ABCG2: variants seen among roughly 807,000 people sequenced by gnomAD.
ABCG2 encodes the protein broad substrate specificity ATP-binding cassette transporter ABCG2.
A neutral mutation model predicts 73.5 loss-of-function variants in ABCG2; 80 were observed. The ratio of observed to expected loss-of-function variants is 1.09; its 90% CI spans 0.91 to 1.31. ABCG2 has a LOEUF of 1.31. ABCG2 is among the 50% of genes most tolerant of loss of function. The probability of loss-of-function intolerance (pLI) is 0.00; values close to 1 mark genes in which losing one functional copy is unlikely to be tolerated. For synonymous variants in ABCG2, 269 were observed against 282.4 expected (o/e 0.95, Z 0.48); for missense variants, 796 against 786.2 (o/e 1.01, Z -0.15).
chr4:88,172,196 G>A (rs1482888059), intron 1 of ABCG2, among the ~76,000 whole-genome samples: 3 of 151,164 alleles, frequency 2.0e-5, no homozygotes, highest in African/African-American at 4.9e-5. Context: ...TCGGGAGGCT[G>A]AGGCAGGAGA....
intron 2 of ABCG2, among the ~76,000 whole-genome samples, chr4:88,138,964 A>G (rs1469285706): frequency 6.6e-6 from 1 of 152,060 alleles, no homozygotes; most frequent in Non-Finnish European, 1.5e-5. Context: ...AACATGGTGA[A>G]ACCCCATCTT....
chr4:88,185,122 G>T (rs561380568), intron 1 of ABCG2, among the ~76,000 whole-genome samples: 1 of 152,260 alleles, frequency 6.6e-6, no homozygotes, highest in Admixed American at 6.5e-5. Context: ...CTACACTTTG[G>T]GAGGTCAAGG....
intron 1 of ABCG2, among the ~76,000 whole-genome samples, chr4:88,178,568 A>G (rs1193258965): frequency 6.6e-6 from 1 of 152,190 alleles, no homozygotes; most frequent in Non-Finnish European, 1.5e-5. Context: ...TTTGTCTTGC[A>G]GCGTAGGTAC....
intron 5 of ABCG2, among the ~76,000 whole-genome samples, chr4:88,129,519 A>G (rs1326961056): frequency 1.3e-5 from 2 of 152,204 alleles, no homozygotes; most frequent in African/African-American, 4.8e-5. Flanking sequence ...GAGTGGAACA[A>G]AACACCTTAC....
At chr4:88,164,486 T>C (rs1226456946) in intron 1 of ABCG2, among the ~76,000 whole-genome samples, 1 of 152,192 alleles carries the variant, frequency 6.6e-6, no homozygotes, top group Middle Eastern at 3.2e-3. Context: ...TCACGCGCTC[T>C]GATGGTTTCA....
rs897789743 is a variant in ABCG2, at chr4:88,125,223, C to T, written c.532-3431G>A. On this transcript the variant is annotated intron_variant, in intron 5 of 15. Coordinates refer to ENST00000237612, the MANE Select transcript of ABCG2 (RefSeq NM_004827.3). Reference sequence around the variant, plus strand: ...AGGAGAATGGTGTGAACCTGGGAGGCTGAACTTGCAGTGAGCCAAGATCGC... The same window carrying T: ...AGGAGAATGGTGTGAACCTGGGAGGTTGAACTTGCAGTGAGCCAAGATCGC... Among the ~76,000 whole-genome samples the T allele has an allele frequency of 7.3e-5, 11 of 151,710 alleles. No homozygotes were observed. The South Asian group carries it at 2.3e-3, about 32-fold the overall frequency.
At chr4:88,144,341 A>G (rs897671360) in intron 1 of ABCG2, among the ~76,000 whole-genome samples, 1 of 152,050 alleles carries the variant, frequency 6.6e-6, no homozygotes, top group South Asian at 2.1e-4. Flanking sequence ...AGGGATTTGC[A>G]TATGGAGATT....
chr4:88,202,061 G>A (rs1362388095), intron 1 of ABCG2, among the ~76,000 whole-genome samples: 1 of 151,832 alleles, frequency 6.6e-6, no homozygotes, highest in Non-Finnish European at 1.5e-5. Context: ...CTAAAGAGAG[G>A]TCTTAGAAGC....
At chr4:88,099,782 G>A (rs4148157) in intron 11 of ABCG2, among the ~76,000 whole-genome samples, 12,275 of 152,102 alleles carry the variant, frequency 0.081, 734 homozygotes, top group East Asian at 0.26. Context: ...CTTCTTTGAC[G>A]GGGGCTTTCC....
chr4:88,198,964 A>G (rs114306400), intron 1 of ABCG2, among the ~76,000 whole-genome samples: 20,980 of 151,320 alleles, frequency 0.14, 1,745 homozygotes, highest in Non-Finnish European at 0.19. Flanking sequence ...GTGTGTGTGT[A>G]TATATATATA....
intron 1 of ABCG2, among the ~76,000 whole-genome samples, chr4:88,227,532 G>A (rs776567172): frequency 1.6e-4 from 25 of 152,128 alleles, no homozygotes; most frequent in Non-Finnish European, 3.2e-4. Flanking sequence ...TCTCTGAGTG[G>A]TGGCACTAAA....
At chr4:88,126,640 T>C (rs1382973827) in intron 5 of ABCG2, among the ~76,000 whole-genome samples, 1 of 152,206 alleles carries the variant, frequency 6.6e-6, no homozygotes, top group Non-Finnish European at 1.5e-5. Context: ...AATCAATAAA[T>C]GTAATCCATC....
intron 1 of ABCG2, among the ~76,000 whole-genome samples, chr4:88,204,418 T>TCAAACAAA (rs553150381): frequency 3.9e-5 from 6 of 151,986 alleles, no homozygotes; most frequent in Non-Finnish European, 5.9e-5. Flanking sequence ...AGACTCCATC[T>TCAAACAAA]CAAACAAACA....
At chr4:88,194,394 C>CA (rs1042995597) in intron 1 of ABCG2, among the ~76,000 whole-genome samples, 5 of 151,358 alleles carry the variant, frequency 3.3e-5, no homozygotes, top group African/African-American at 9.7e-5. Flanking sequence ...ACTAAAAATA[C>CA]AAAAAATTAG....
intron 5 of ABCG2, among the ~76,000 whole-genome samples, chr4:88,129,529 C>T (rs1390946299): frequency 6.6e-6 from 1 of 152,126 alleles, no homozygotes; most frequent in African/African-American, 2.4e-5. Context: ...AAACACCTTA[C>T]TGGTAAGATA....
chr4:88,180,211 A>G (rs890511668), intron 1 of ABCG2, among the ~76,000 whole-genome samples: 6 of 152,194 alleles, frequency 3.9e-5, no homozygotes, highest in African/African-American at 9.7e-5. Flanking sequence ...TGGAGCTCTA[A>G]TATTCCTGGC....
intron 5 of ABCG2, among the ~76,000 whole-genome samples, chr4:88,128,563 T>A (rs1365127751): frequency 1.3e-5 from 2 of 152,144 alleles, no homozygotes; most frequent in East Asian, 3.8e-4. Context: ...AAATGTGGCA[T>A]ATATACACCA....
chr4:88,181,149 C>T (rs1578260358), intron 1 of ABCG2, among the ~76,000 whole-genome samples: 1 of 151,902 alleles, frequency 6.6e-6, no homozygotes, highest in Non-Finnish European at 1.5e-5. Flanking sequence ...CGCCTGTAAT[C>T]CCAGCACTTT....
At chr4:88,221,633 A>C (rs1351177709) in intron 1 of ABCG2, among the ~76,000 whole-genome samples, 1 of 152,172 alleles carries the variant, frequency 6.6e-6, no homozygotes, top group Admixed American at 6.5e-5. Flanking sequence ...TCAGATGGAG[A>C]TGAGGAACTT....
Sources: gnomAD v4.1 joint callset for allele counts (sites outside exome capture counted in the v4.1 genomes callset) on GRCh38, gnomAD v4.1.1 for gene constraint, MANE v1.5 for transcripts, NCBI Gene and HGNC (gene_info 2026-07-23, HGNC 2026-07-21) for gene names.